Variants in SCLT1 observed in about 807,000 individuals in gnomAD.
SCLT1 encodes the protein sodium channel-associated protein 1.
SCLT1 carries 78 observed loss-of-function variants against 112.8 expected under a neutral mutation model. The observed-to-expected ratio is 0.69, with a 90% CI of 0.58 to 0.83. The LOEUF is 0.83. Ranked by LOEUF, SCLT1 falls within the 40% of genes least tolerant of loss-of-function variation. The pLI is 0.00. For synonymous variants in SCLT1, 257 were observed against 254.7 expected (o/e 1.01, Z -0.09); for missense variants, 747 against 770.4 (o/e 0.97, Z 0.36).
chr4:128,878,582 C>CAAG lies in SCLT1; in HGVS notation n.226-1947_226-1946insCTT, dbSNP rs1732571415. ...TTTGCCTCAACTAGTCTCAAGTACT[C>CAAG]TAAGTAAATACCTTTCAAACTCCAT... On this transcript the variant is annotated intron_variant and non_coding_transcript_variant, in intron 3 of 7. Coordinates refer to the SCLT1 transcript ENST00000503565. Among the ~76,000 whole-genome samples the CAAG allele has an allele frequency of 3.9e-5, 6 of 152,218 alleles. No individual in the cohort carries two copies. In the South Asian group the frequency reaches 1.2e-3, roughly 32 times the overall value.
At chr4:129,072,761 C>A (rs1393470589) in intron 2 of SCLT1, among the ~76,000 whole-genome samples, 2 of 152,182 alleles carry the variant, frequency 1.3e-5, no homozygotes, top group East Asian at 1.9e-4. Flanking sequence ...TTGTCCCTCC[C>A]TGATTAGCTT....
At chr4:128,935,854 C>T (rs567812530) in intron 18 of SCLT1, among the ~76,000 whole-genome samples, 16 of 152,152 alleles carry the variant, frequency 1.1e-4, no homozygotes, top group African/African-American at 3.9e-4. Flanking sequence ...CTTTAAAAAT[C>T]ATGTGTATGT....
At chr4:128,985,619 A>T (rs752688632) in intron 9 of SCLT1, among the ~76,000 whole-genome samples, 20 of 152,222 alleles carry the variant, frequency 1.3e-4, no homozygotes, top group African/African-American at 4.8e-4. Context: ...CTCACTGACT[A>T]TGAGTTGTCT....
intron 16 of SCLT1, among the ~76,000 whole-genome samples, chr4:128,944,013 T>C (rs4975286): frequency 0.25 from 38,020 of 152,010 alleles, 5,469 homozygotes; most frequent in East Asian, 0.32. Flanking sequence ...GGCAGTTTTA[T>C]CACCATGAAC....
chr4:128,969,711 T>C (rs1032317857), intron 10 of SCLT1, among the ~76,000 whole-genome samples: 3 of 152,180 alleles, frequency 2.0e-5, no homozygotes, highest in Non-Finnish European at 4.4e-5. Flanking sequence ...AGGCCAGACA[T>C]CCAAAATTTA....
chr4:128,923,762 A>G (rs1285783262), intron 18 of SCLT1, among the ~76,000 whole-genome samples: 1 of 151,672 alleles, frequency 6.6e-6, no homozygotes, highest in Non-Finnish European at 1.5e-5. Context: ...TCTCATTTTC[A>G]GCCATTATAA....
At position 128,959,603 on chromosome 4, in the gene SCLT1, AC is replaced by A. The variant is rs867968394; in HGVS notation, c.1043del (p.Ser348IlefsTer14). ...ACATATTTACTAGCTTTCTTACCTGACTTTTTTGAAGGTTAGCTTCTTCTAA... is the reference window on the plus strand; with the variant it reads ...ACATATTTACTAGCTTTCTTACCTGATTTTTTGAAGGTTAGCTTCTTCTAA... ...QLLEEANLQK[S>X]QALLEEKQKE... On this transcript the variant is annotated frameshift_variant, in exon 12 of 21. Transcript: ENST00000281142. LOFTEE classifies it high-confidence loss of function. 2 of 1,611,496 alleles carry A rather than the reference AC, an allele frequency of 1.2e-6. No individual in the cohort carries two copies. Among genetic ancestry groups the A allele is most frequent in the African/African-American group, 1.3e-5 (1 of 74,818 alleles).
At chr4:128,875,742 C>A (rs1173651574) in intron 4 of SCLT1, among the ~76,000 whole-genome samples, 1 of 152,140 alleles carries the variant, frequency 6.6e-6, no homozygotes, top group Non-Finnish European at 1.5e-5. Context: ...AGGAACAAGA[C>A]ACTGATGTTT....
At chr4:128,970,624 G>T (rs1740611836) in intron 9 of SCLT1, 156 bp from the exon 10 acceptor site, 1 of 590,238 alleles carries the variant, frequency 1.7e-6, no homozygotes, top group African/African-American at 1.9e-5. Context: ...TATTACTAAT[G>T]AAGTGCATGT....
chr4:129,052,352 C>A (rs1393478144), intron 2 of SCLT1, among the ~76,000 whole-genome samples: 1 of 152,116 alleles, frequency 6.6e-6, no homozygotes, highest in Non-Finnish European at 1.5e-5. Context: ...TCCATCTGGT[C>A]CTGGACTTTT....
chr4:128,889,819 A>C (rs1233594391), intron 19 of SCLT1, among the ~76,000 whole-genome samples: 1 of 152,238 alleles, frequency 6.6e-6, no homozygotes, highest in Non-Finnish European at 1.5e-5. Context: ...TAATAATACA[A>C]GCCTAATCAG....
intron 2 of SCLT1, among the ~76,000 whole-genome samples, chr4:129,058,581 G>A (rs1749665661): frequency 6.6e-6 from 1 of 152,090 alleles, no homozygotes; most frequent in African/African-American, 2.4e-5. Context: ...AACAATAGTT[G>A]AAATATTTTA....
chr4:129,049,566 A>G (rs1177939005), intron 2 of SCLT1, among the ~76,000 whole-genome samples: 2 of 151,306 alleles, frequency 1.3e-5, no homozygotes, highest in Non-Finnish European at 2.9e-5. Context: ...CGAGCATGGC[A>G]CATGTATACA....
intron 3 of SCLT1, among the ~76,000 whole-genome samples, chr4:128,877,170 A>G (rs76257071): frequency 0.013 from 2,041 of 152,316 alleles, 46 homozygotes; most frequent in African/African-American, 0.047. Flanking sequence ...ATAATTACAA[A>G]GGTTTATCAA....
chr4:128,991,695 T>C (rs72683693), intron 9 of SCLT1, among the ~76,000 whole-genome samples: 41,097 of 151,622 alleles, frequency 0.27, 5,978 homozygotes, highest in South Asian at 0.35. Context: ...GACATACAAA[T>C]AAATGGACAA....
At chr4:129,000,931 T>C (rs1372043426) in intron 6 of SCLT1, among the ~76,000 whole-genome samples, 1 of 151,704 alleles carries the variant, frequency 6.6e-6, no homozygotes, top group African/African-American at 2.4e-5. Flanking sequence ...CACCATAGAT[T>C]AGTTTTGTCT....
At chr4:128,997,125 T>G (rs900776925) in intron 8 of SCLT1, 7 of 151,962 alleles carry the variant, frequency 4.6e-5, no homozygotes, top group Non-Finnish European at 1.0e-4. Context: ...GTTAACAGAA[T>G]AGGTACAGAT....
intron 9 of SCLT1, among the ~76,000 whole-genome samples, chr4:128,978,801 T>A (rs995539832): frequency 1.3e-5 from 2 of 151,776 alleles, no homozygotes; most frequent in African/African-American, 4.8e-5. Flanking sequence ...GAAACTAAGA[T>A]TTCAAAACAA....
chr4:129,083,011 G>A (rs1752077305), intron 1 of SCLT1, among the ~76,000 whole-genome samples: 1 of 151,830 alleles, frequency 6.6e-6, no homozygotes, highest in Non-Finnish European at 1.5e-5. Context: ...GGCCAACATG[G>A]TGAAACCCCA....
Sources: gnomAD v4.1 joint callset for allele counts (sites outside exome capture counted in the v4.1 genomes callset) on GRCh38, gnomAD v4.1.1 for gene constraint, MANE v1.5 for transcripts, NCBI Gene and HGNC (gene_info 2026-07-23, HGNC 2026-07-21) for gene names.